ROBO1: variants seen among roughly 807,000 people sequenced by gnomAD.
ROBO1 encodes roundabout guidance receptor 1.
In ROBO1, 149 loss-of-function variants were observed where a neutral mutation model predicts 195.9. The observed-to-expected ratio is 0.76, with a 90% CI of 0.67 to 0.87. The LOEUF is 0.87. ROBO1 is among the 40% of genes least tolerant of loss of function. The pLI is 0.00. For missense variants in ROBO1, 1,933 were observed against 2,068.3 expected (o/e 0.93, Z 1.27); for synonymous variants, 816 against 733.2 (o/e 1.11, Z -1.82).
In ROBO1 at chr3:78,606,957, A is replaced by G. The variant is rs1202297676; in HGVS notation, c.4520T>C (p.Val1507Ala). ...ATCCATAGAAGGGAGTTTTGGCACC[A>G]CTACAGGTCGTACTTCCAGCTGTGT... ...SKTQLEVRPV[V>A]VPKLPSMDAR... is the part of the protein sequence containing the mutation. The change falls in exon 29 of 31, where the codon GTG becomes GCG. Residue 1507 changes from valine to alanine, a missense_variant. Coordinates refer to ENST00000464233, the MANE Select transcript of ROBO1 (RefSeq NM_002941.4). 9 of 1,613,848 alleles carry G rather than the reference A, an allele frequency of 5.6e-6. No individual in the cohort carries two copies. The highest frequency in any genetic ancestry group is 7.6e-6 in the Non-Finnish European group (9 of 1,179,868).
intron 1 of ROBO1, among the ~76,000 whole-genome samples, chr3:79,762,608 A>AC (rs1380320721): frequency 8.2e-6 from 1 of 122,314 alleles, no homozygotes; most frequent in African/African-American, 3.3e-5. Flanking sequence ...AATTCTGGAC[A>AC]AACACACACA....
chr3:79,552,008 A>ACC (rs1942537520), intron 2 of ROBO1, among the ~76,000 whole-genome samples: 1 of 145,514 alleles, frequency 6.9e-6, no homozygotes, highest in African/African-American at 2.5e-5. Flanking sequence ...AAAAAAAAAA[A>ACC]AAAAAACAGA....
At chr3:79,133,660 G>A (rs1244926860) in intron 2 of ROBO1, among the ~76,000 whole-genome samples, 3 of 82,854 alleles carry the variant, frequency 3.6e-5, no homozygotes, top group Admixed American at 1.5e-4. Flanking sequence ...TAATTTGATC[G>A]TCTGAAGCCT....
intron 3 of ROBO1, among the ~76,000 whole-genome samples, chr3:78,975,262 A>G (rs949894389): frequency 6.6e-6 from 1 of 152,218 alleles, no homozygotes; most frequent in Non-Finnish European, 1.5e-5. Flanking sequence ...AGTTAAGTGT[A>G]CATGCTAATT....
intron 3 of ROBO1, among the ~76,000 whole-genome samples, chr3:79,095,016 C>T (rs1242576708): frequency 1.3e-5 from 2 of 151,014 alleles, no homozygotes; most frequent in Non-Finnish European, 3.0e-5. Context: ...AATCAGACAT[C>T]CTGAGATGCA....
chr3:78,804,984 T>G (rs2084491533), intron 4 of ROBO1, among the ~76,000 whole-genome samples: 1 of 152,126 alleles, frequency 6.6e-6, no homozygotes, highest in Non-Finnish European at 1.5e-5. Context: ...AAGAGTTCCT[T>G]CTGCTTGTTC....
At chr3:79,241,731 T>G (rs1339973790) in intron 2 of ROBO1, among the ~76,000 whole-genome samples, 2 of 149,862 alleles carry the variant, frequency 1.3e-5, no homozygotes, top group Non-Finnish European at 3.0e-5. Flanking sequence ...TATAAATAAT[T>G]TATGTAAATA....
intron 1 of ROBO1, among the ~76,000 whole-genome samples, chr3:79,612,364 AT>A (rs1346449594): frequency 1.4e-5 from 2 of 146,358 alleles, no homozygotes; most frequent in Non-Finnish European, 3.0e-5. Context: ...TGAACTCATC[AT>A]TTTTTATGGC....
intron 4 of ROBO1, among the ~76,000 whole-genome samples, chr3:78,835,747 A>G (rs939487077): frequency 6.6e-6 from 1 of 152,152 alleles, no homozygotes; most frequent in African/African-American, 2.4e-5. Flanking sequence ...CTACATCTCA[A>G]TGTAGTAAGA....
chr3:78,681,694 G>A (rs1408117970), intron 10 of ROBO1, among the ~76,000 whole-genome samples: 1 of 152,114 alleles, frequency 6.6e-6, no homozygotes, highest in East Asian at 1.9e-4. Flanking sequence ...CACGAGGTCA[G>A]GAGATCAAGA....
intron 1 of ROBO1, among the ~76,000 whole-genome samples, chr3:79,736,865 T>C (rs1034056982): frequency 3.9e-5 from 6 of 152,350 alleles, no homozygotes; most frequent in Admixed American, 3.9e-4. Flanking sequence ...CTGAATCATT[T>C]ATTAATTTTA....
At chr3:79,220,091 G>A (rs559603100) in intron 2 of ROBO1, among the ~76,000 whole-genome samples, 1 of 152,122 alleles carries the variant, frequency 6.6e-6, no homozygotes, top group East Asian at 1.9e-4. Flanking sequence ...GGTGTGTGAT[G>A]AGAAGAAGGA....
In ROBO1 at chr3:79,274,051, C is replaced by G. The variant is rs115548436; in HGVS notation, c.89-148512G>C. ...TAGAGCTAAAGAAAGAGATAGACCC[C>G]AACATAATAATAGCTGGAGCCTTAA... On this transcript the variant is annotated intron_variant, in intron 2 of 30. Coordinates refer to ENST00000464233, the MANE Select transcript of ROBO1 (RefSeq NM_002941.4). Among the ~76,000 whole-genome samples the G allele has an allele frequency of 2.0e-5, 3 of 152,062 alleles. No individual in the cohort carries two copies. In the East Asian group the frequency reaches 5.8e-4, roughly 29 times the overall value.
chr3:78,714,156 T>C (rs908741882), intron 8 of ROBO1, among the ~76,000 whole-genome samples: 6 of 152,198 alleles, frequency 3.9e-5, no homozygotes, highest in Non-Finnish European at 7.3e-5. Flanking sequence ...TTTTGAACTA[T>C]CTTGAACATT....
At chr3:79,284,239 G>A (rs189997805) in intron 2 of ROBO1, among the ~76,000 whole-genome samples, 1 of 151,944 alleles carries the variant, frequency 6.6e-6, no homozygotes, top group African/African-American at 2.4e-5. Context: ...TAGTGGGAGA[G>A]GGAGACCTTA....
At chr3:78,754,895 T>C (rs953594069) in intron 4 of ROBO1, among the ~76,000 whole-genome samples, 3 of 152,038 alleles carry the variant, frequency 2.0e-5, no homozygotes, top group African/African-American at 7.2e-5. Flanking sequence ...GGGAAGTGCA[T>C]TGCAGGCACA....
chr3:79,215,057 T>G (rs554012920), intron 2 of ROBO1, among the ~76,000 whole-genome samples: 9 of 152,180 alleles, frequency 5.9e-5, no homozygotes, highest in Admixed American at 2.0e-4. Flanking sequence ...AAAATGCATG[T>G]GTATATTCCT....
intron 2 of ROBO1, among the ~76,000 whole-genome samples, chr3:79,241,795 T>A (rs1394983592): frequency 6.6e-6 from 1 of 151,366 alleles, no homozygotes; most frequent in Non-Finnish European, 1.5e-5. Flanking sequence ...AGTATGATGG[T>A]GTTATGGGGT....
intron 1 of ROBO1, among the ~76,000 whole-genome samples, chr3:79,746,076 T>C (rs886286785): frequency 1.3e-5 from 2 of 152,128 alleles, no homozygotes; most frequent in Admixed American, 6.5e-5. Flanking sequence ...AATCATGATA[T>C]AATGTTTTCC....
Sources: allele counts gnomAD v4.1 joint callset (sites outside exome capture counted in the v4.1 genomes callset), GRCh38; gene constraint gnomAD v4.1.1; transcripts MANE v1.5; gene names NCBI Gene and HGNC (gene_info 2026-07-23, HGNC 2026-07-21).